NPY: variants seen among roughly 807,000 people sequenced by gnomAD.
NPY encodes the protein pro-neuropeptide Y.
Under a neutral mutation model 13.2 loss-of-function variants are expected in NPY, and 11 were observed. The ratio of observed to expected loss-of-function variants is 0.83; its 90% CI spans 0.52 to 1.38. The LOEUF is 1.38. Ranked by LOEUF, NPY falls within the 40% of genes most tolerant of loss-of-function variation. The probability of loss-of-function intolerance (pLI) is 0.00; values close to 1 mark genes in which losing one functional copy is unlikely to be tolerated. For missense variants in NPY, 109 were observed against 125.1 expected (o/e 0.87, Z 0.61); for synonymous variants, 51 against 55.6 (o/e 0.92, Z 0.37).
At position 24,289,538 on chromosome 7, in the gene NPY, C is replaced by T; in HGVS notation, c.228C>T (p.Asp76=). 1.2e-6 allele frequency: 2 copies of T among 1,610,748 alleles called. No individual in the cohort carries two copies. Among genetic ancestry groups the T allele is most frequent in the Non-Finnish European group, 1.7e-6 (2 of 1,178,344 alleles). The part of the protein sequence containing the change: ...KRSSPETLIS[D]LLMRESTENV... ...CCAGCCCAGAGACACTGATTTCAGA[C>T]CTCTTGATGAGAGAAAGCACAGAAA... Residue 76 remains aspartate, a synonymous_variant, in exon 3 of 4, where the codon GAC becomes GAT. Coordinates refer to ENST00000242152, the MANE Select transcript of NPY (RefSeq NM_000905.4).
Position 24,285,392 on chromosome 7 carries a change from C to T in NPY, c.152C>T (p.Ala51Val). ...GAGGACATGGCCAGATACTACTCGG[C>T]GCTGCGACACTACATCAACCTCATC... ...PAEDMARYYS[A>V]LRHYINLITR... Residue 51 changes from alanine (A) to valine (V), a missense_variant, in exon 2 of 4, where the codon GCG (alanine) becomes GTG (valine). By Grantham distance (64) the Ala-to-Val change is moderately conservative (BLOSUM62 0). Transcript: ENST00000242152. The surrounding 1 kb of genome is among the most constrained non-coding windows in gnomAD (Gnocchi z 4.9). 2 of 1,613,874 alleles carry T rather than the reference C, an allele frequency of 1.2e-6. No homozygotes were observed. The highest frequency in any genetic ancestry group is 1.1e-5 in the South Asian group (1 of 91,062).
chr7:24,289,454 T>G, intron 2 of NPY, 45 bp from the exon 3 acceptor site: 1 of 1,381,854 alleles, frequency 7.2e-7, no homozygotes, highest in Non-Finnish European at 1.0e-6. Flanking sequence ...CTAAAGGTTT[T>G]TATGCCTATT....
chr7:24,288,607 G>A (rs2128233138), intron 2 of NPY, among the ~76,000 whole-genome samples: 1 of 149,608 alleles, frequency 6.7e-6, no homozygotes, highest in Non-Finnish European at 1.5e-5. Context: ...TAGTGTTCTG[G>A]AGTGGGGAGC....
chr7:24,286,393 G>C (rs1287680424), intron 2 of NPY, among the ~76,000 whole-genome samples: 1 of 151,574 alleles, frequency 6.6e-6, no homozygotes, highest in Non-Finnish European at 1.5e-5. Flanking sequence ...AATGATTTTA[G>C]TCATTTGACC....
intron 3 of NPY, among the ~76,000 whole-genome samples, chr7:24,290,591 T>G (rs6971226): frequency 2.0e-5 from 3 of 151,782 alleles, no homozygotes; most frequent in Admixed American, 6.6e-5. Context: ...CCAGCCAGCA[T>G]GAAGGGTGTT....
In NPY at chr7:24,285,361, C is replaced by T. The variant is rs1167638996; in HGVS notation, c.121C>T (p.Pro41Ser). 1 of 1,614,090 alleles carries T rather than the reference C, an allele frequency of 6.2e-7. No homozygotes were observed. Among genetic ancestry groups the T allele is most frequent in the Non-Finnish European group, 8.5e-7 (1 of 1,180,028 alleles). ...SKPDNPGEDAPAEDMARYYSA... is the reference protein window; with the variant it reads ...SKPDNPGEDASAEDMARYYSA... ...GCCGGACAACCCGGGCGAGGACGCA[C>T]CAGCGGAGGACATGGCCAGATACTA... is the stretch of plus-strand genomic sequence containing the variant. The change falls in exon 2 of 4, where the codon CCA becomes TCA. Residue 41 changes from proline (P) to serine (S), a missense_variant. Transcript: ENST00000242152. The surrounding 1 kb of genome is among the most constrained non-coding windows in gnomAD (Gnocchi z 4.9).
chr7:24,285,140 T>G lies in NPY; in HGVS notation c.1-101T>G, dbSNP rs16141. 609,002 of 1,201,848 alleles carry G rather than the reference T, an allele frequency of 0.51. 157,119 individuals are homozygous for G. Among genetic ancestry groups the G allele is most frequent in the East Asian group, 0.67 (28,673 of 42,862 alleles). The allele number at this position is 1,201,848 out of a possible 1,614,324, so 74.4% of individuals were successfully genotyped here. ...GGACGAGAGCGGATTGGGGGTCGCG[T>G]GTGGTAGCAGGAGGAGGAGCGCGGG... On this transcript the variant is annotated intron_variant, in intron 1 of 3. Coordinates refer to ENST00000242152, the MANE Select transcript of NPY (RefSeq NM_000905.4). The surrounding 1 kb of genome is among the most constrained non-coding windows in gnomAD (Gnocchi z 4.9).
intron 2 of NPY, among the ~76,000 whole-genome samples, chr7:24,286,328 A>T (rs544477248): frequency 1.3e-5 from 2 of 152,352 alleles, no homozygotes; most frequent in South Asian, 4.1e-4. Flanking sequence ...TGTTTTCAAA[A>T]TTGGTTGATC....
Position 24,285,334 on chromosome 7 carries a change from A to G in NPY, c.94A>G (p.Lys32Glu). 6.2e-7 allele frequency: 1 copy of G among 1,613,974 alleles called. No homozygotes were observed. The change falls in exon 2 of 4, where the codon AAG (lysine) becomes GAG (glutamate). Residue 32 changes from lysine (K) to glutamate (E), a missense_variant. By Grantham distance (56) the Lys-to-Glu change is moderately conservative. Transcript: ENST00000242152. The surrounding 1 kb of genome is among the most constrained non-coding windows in gnomAD (Gnocchi z 4.9). ...LGALAEAYPS[K>E]PDNPGEDAPA... is the part of the protein sequence containing the mutation. ...TGCGCTGGCCGAGGCGTACCCCTCC[A>G]AGCCGGACAACCCGGGCGAGGACGC... is the stretch of plus-strand genomic sequence containing the variant.
chr7:24,290,591 T>A (rs6971226), intron 3 of NPY, among the ~76,000 whole-genome samples: 1 of 151,782 alleles, frequency 6.6e-6, no homozygotes, highest in Non-Finnish European at 1.5e-5. Context: ...CCAGCCAGCA[T>A]GAAGGGTGTT....
intron 2 of NPY, among the ~76,000 whole-genome samples, chr7:24,286,270 G>A (rs1294120965): frequency 6.6e-6 from 1 of 152,010 alleles, no homozygotes; most frequent in Non-Finnish European, 1.5e-5. Context: ...ACAATTAAGG[G>A]AAAAATCAAA....
rs1276780585 is a variant in NPY, at chr7:24,285,227, T to A, written c.1-14T>A. 6.2e-7 allele frequency: 1 copy of A among 1,613,900 alleles called. No individual in the cohort carries two copies. Among genetic ancestry groups the A allele is most frequent in the Middle Eastern group, 1.7e-4 (1 of 6,058 alleles). ...AATCCCCAAGCCCGTCCGTTGAGCC[T>A]TCTGTGCCTGCAGATGCTAGGTAAC... On this transcript the variant is annotated splice_polypyrimidine_tract_variant and intron_variant, in intron 1 of 3. Transcript: ENST00000242152. This position sits in a 1 kb window ranked among gnomAD's most constrained non-coding sequence, Gnocchi z 4.9.
chr7:24,290,775 A>AATAATAATAATTATTATT lies in NPY; in HGVS notation c.270-886_270-885insAATAATAATTATTATTAT, dbSNP rs10701264. On this transcript the variant is annotated intron_variant, in intron 3 of 3. Transcript: ENST00000242152. ...TTTTTAATTAAATAATAATAATAAT[A>AATAATAATAATTATTATT]ATTATTATTATTATTCAGAGACAAG... Among the ~76,000 whole-genome samples, 650 of 129,626 alleles carry AATAATAATAATTATTATT rather than the reference A, an allele frequency of 5.0e-3. 3 individuals carry two copies. The highest frequency in any genetic ancestry group is 0.012 in the South Asian group (45 of 3,768). 85.0% of individuals were successfully genotyped at this position (129,626 alleles called of 152,430 possible).
chr7:24,289,354 C>A, intron 2 of NPY, 145 bp from the exon 3 acceptor site: 1 of 446,996 alleles, frequency 2.2e-6, no homozygotes, highest in Non-Finnish European at 3.9e-6. Flanking sequence ...ATAATATATG[C>A]TTCATACACC....
At chr7:24,288,411 T>G (rs1430426454) in intron 2 of NPY, among the ~76,000 whole-genome samples, 7 of 152,196 alleles carry the variant, frequency 4.6e-5, no homozygotes, top group Non-Finnish European at 1.0e-4. Flanking sequence ...TTAGATATAA[T>G]TTTGCTTGGC....
In NPY at chr7:24,285,169, C is replaced by G. The variant is rs1787314354; in HGVS notation, c.1-72C>G. ...GTAGCAGGAGGAGGAGCGCGGGGGG[C>G]AGAGGAGGGAGGTGCTGCGCGTGGG... On this transcript the variant is annotated intron_variant, in intron 1 of 3. Transcript: ENST00000242152. This position sits in a 1 kb window ranked among gnomAD's most constrained non-coding sequence, Gnocchi z 4.9. 5.4e-6 allele frequency: 8 copies of G among 1,488,818 alleles called. No individual in the cohort carries two copies. In the East Asian group the frequency reaches 6.8e-5, roughly 13 times the overall value. 92.2% of individuals were successfully genotyped at this position (1,488,818 alleles called of 1,614,324 possible). A position where few individuals can be genotyped will look rare whatever the true frequency, so the allele number is the denominator to read the frequency against.
Position 24,291,721 on chromosome 7 carries a change from A to G in NPY, c.*34A>G. ...GAGACTTGCTCTCTGGCCTTTTCCT[A>G]TTTTCAGCCCATATTTCATCGTGTA... On this transcript the variant is annotated 3_prime_UTR_variant, in exon 4 of 4. Transcript: ENST00000242152. 6.2e-7 allele frequency: 1 copy of G among 1,613,536 alleles called. No individual in the cohort carries two copies. The highest frequency in any genetic ancestry group is 8.5e-7 in the Non-Finnish European group (1 of 1,179,584).
chr7:24,286,877 G>C (rs768579380), intron 2 of NPY, among the ~76,000 whole-genome samples: 14 of 151,870 alleles, frequency 9.2e-5, no homozygotes, highest in Non-Finnish European at 1.6e-4. Context: ...ACCTTTGTTA[G>C]TTATTTAGCT....
intron 2 of NPY, among the ~76,000 whole-genome samples, chr7:24,287,757 A>G (rs1197053830): frequency 6.6e-6 from 1 of 152,170 alleles, no homozygotes; most frequent in Non-Finnish European, 1.5e-5. Flanking sequence ...GACAGCCCCC[A>G]TTACACAGAA....
Sources: gnomAD v4.1 joint callset for allele counts (sites outside exome capture counted in the v4.1 genomes callset) on GRCh38, gnomAD v4.1.1 for gene constraint, Gnocchi (gnomAD v3.1) non-coding constraint, MANE v1.5 for transcripts, NCBI Gene and HGNC (gene_info 2026-07-23, HGNC 2026-07-21) for gene names.